APLF: variants seen among roughly 807,000 people sequenced by gnomAD.
The protein encoded by APLF is aprataxin and PNK-like factor.
APLF carries 61 observed loss-of-function variants against 55.6 expected under a neutral mutation model. The observed-to-expected ratio is 1.10, with a 90% CI of 0.89 to 1.36. APLF has a LOEUF of 1.36. Ranked by LOEUF, APLF falls within the 40% of genes most tolerant of loss-of-function variation. The pLI is 0.00. For synonymous variants in APLF, 207 were observed against 214.8 expected (o/e 0.96, Z 0.32); for missense variants, 611 against 602.5 (o/e 1.01, Z -0.15).
chr2:68,528,220 G>A (rs1395013605), intron 6 of APLF: 2 of 1,076,894 alleles, frequency 1.9e-6, no homozygotes, highest in Non-Finnish European at 2.7e-6. Flanking sequence ...TGGATTACAG[G>A]CGTGGGCCAC....
chr2:68,517,666 AT>A (rs1315770723), intron 5 of APLF, among the ~76,000 whole-genome samples: 1 of 145,362 alleles, frequency 6.9e-6, no homozygotes, highest in Non-Finnish European at 1.5e-5. Context: ...TAACGTAACA[AT>A]AATATATCAC....
At chr2:68,525,864 C>T (rs1670029051) in intron 5 of APLF, among the ~76,000 whole-genome samples, 197 bp from the exon 6 acceptor site, 1 of 148,872 alleles carries the variant, frequency 6.7e-6, no homozygotes, top group Non-Finnish European at 1.5e-5. Context: ...ATTCTTATGC[C>T]TCTGCTTCCT....
chr2:68,509,591 G>A (rs924164862), intron 3 of APLF, among the ~76,000 whole-genome samples: 5 of 152,080 alleles, frequency 3.3e-5, no homozygotes, highest in African/African-American at 1.2e-4. Flanking sequence ...AGGGTGTGGA[G>A]AAATAGGAAC....
chr2:68,528,246 G>C, intron 6 of APLF: 1 of 1,255,886 alleles, frequency 8.0e-7, no homozygotes, highest in South Asian at 1.3e-5. Flanking sequence ...CTGCCCTGCT[G>C]TCTCTTCTTT....
rs1400670741 is a variant in APLF, at chr2:68,527,844, C to T, written c.804+1602C>T. Among the ~76,000 whole-genome samples, 6 of 150,986 alleles carry T rather than the reference C, an allele frequency of 4.0e-5. No homozygotes were observed. In the East Asian group the frequency reaches 9.7e-4, roughly 24 times the overall value. On this transcript the variant is annotated intron_variant, in intron 6 of 9. Coordinates refer to ENST00000303795, the MANE Select transcript of APLF (RefSeq NM_173545.3). ...GCGGTGGCCAGGCAGAGGCGCTCCT[C>T]ACTTCCCAGACGGTGGAGTAGCCGG... is the stretch of plus-strand genomic sequence containing the variant.
Position 68,578,800 on chromosome 2 carries a change from A to C in APLF, c.*778A>C. On this transcript the variant is annotated 3_prime_UTR_variant, in exon 10 of 10. Coordinates refer to ENST00000303795, the MANE Select transcript of APLF (RefSeq NM_173545.3). ...AATAGAGAAACGACATAACTTTCTC[A>C]AATGGCATTAGTTTTGCCTTAGTTT... 1.0e-6 allele frequency: 1 copy of C among 985,362 alleles called. No individual in the cohort carries two copies. Among genetic ancestry groups the C allele is most frequent in the Non-Finnish European group, 1.2e-6 (1 of 829,886 alleles). The allele number at this position is 985,362 out of a possible 1,614,324, so 61.0% of individuals were successfully genotyped here. A position where few individuals can be genotyped will look rare whatever the true frequency, so the allele number is the denominator to read the frequency against.
At chr2:68,469,213 T>A (rs761322845) in intron 1 of APLF, among the ~76,000 whole-genome samples, 9 of 152,232 alleles carry the variant, frequency 5.9e-5, no homozygotes, top group Non-Finnish European at 5.9e-5. Context: ...ATTTTTCTTT[T>A]AAATTCGTAG....
At chr2:68,508,421 T>C (rs1573191551) in intron 3 of APLF, among the ~76,000 whole-genome samples, 1 of 151,876 alleles carries the variant, frequency 6.6e-6, no homozygotes, top group South Asian at 2.1e-4. Context: ...TGCAAAAGAA[T>C]GAAGTTAGTC....
intron 5 of APLF, among the ~76,000 whole-genome samples, chr2:68,516,426 C>A (rs963464255): frequency 6.6e-6 from 1 of 151,002 alleles, no homozygotes; most frequent in South Asian, 2.1e-4. Context: ...TTATTATTAT[C>A]ATCACTATTA....
chr2:68,530,171 G>A (rs1316526119), intron 6 of APLF, among the ~76,000 whole-genome samples: 16 of 152,340 alleles, frequency 1.1e-4, no homozygotes, highest in Non-Finnish European at 1.6e-4. Flanking sequence ...CTTTGAACCC[G>A]GGCTGTGCGA....
intron 5 of APLF, among the ~76,000 whole-genome samples, chr2:68,519,727 T>C (rs1418003149): frequency 1.3e-5 from 2 of 151,390 alleles, no homozygotes; most frequent in South Asian, 4.2e-4. Flanking sequence ...CTGATGGGCA[T>C]TTGGGCTGGT....
At chr2:68,528,175 C>T (rs1178604096) in intron 6 of APLF, 1 of 701,464 alleles carries the variant, frequency 1.4e-6, no homozygotes, top group East Asian at 2.7e-5. Context: ...AATCTCTTGA[C>T]CTCCTGATCC....
Position 68,469,023 on chromosome 2 carries a change from G to T in APLF, c.96+1196G>T, listed in dbSNP as rs959969543. On this transcript the variant is annotated intron_variant, in intron 1 of 9. Coordinates refer to ENST00000303795, the MANE Select transcript of APLF (RefSeq NM_173545.3). The stretch of plus-strand genomic sequence containing the variant: ...GTGTGTGTGTGTGTGTGTGTGTGTT[G>T]TGTGTTGTGTGTTGTGTACATGCAC... 1.0e-4 allele frequency among the ~76,000 whole-genome samples: 15 copies of T among 145,852 alleles called. No individual in the cohort carries two copies. In the South Asian group the frequency reaches 1.5e-3, roughly 15 times the overall value.
At chr2:68,572,402 T>A (rs1450558263) in intron 9 of APLF, among the ~76,000 whole-genome samples, 3 of 152,196 alleles carry the variant, frequency 2.0e-5, no homozygotes, top group African/African-American at 4.8e-5. Context: ...ATTTACTTAA[T>A]AAAAATTAAC....
chr2:68,516,805 T>A (rs1669591408), intron 5 of APLF, among the ~76,000 whole-genome samples: 1 of 145,326 alleles, frequency 6.9e-6, no homozygotes, highest in Non-Finnish European at 1.5e-5. Context: ...CCATGGTGTA[T>A]TTGTATATAT....
intron 8 of APLF, among the ~76,000 whole-genome samples, chr2:68,547,042 C>G (rs1670726919): frequency 6.6e-6 from 1 of 151,716 alleles, no homozygotes; most frequent in African/African-American, 2.4e-5. Flanking sequence ...GCTTAGGATG[C>G]TTACTGGATA....
At chr2:68,493,278 G>A (rs987101200) in intron 2 of APLF, among the ~76,000 whole-genome samples, 1 of 152,090 alleles carries the variant, frequency 6.6e-6, no homozygotes, top group African/African-American at 2.4e-5. Flanking sequence ...GTATCAGTGG[G>A]GAAGAGGAGT....
At chr2:68,555,200 A>G (rs1670971473) in intron 8 of APLF, among the ~76,000 whole-genome samples, 1 of 152,202 alleles carries the variant, frequency 6.6e-6, no homozygotes, top group Non-Finnish European at 1.5e-5. Flanking sequence ...CAGAAACTGT[A>G]AAAATTATAG....
At chr2:68,544,802 A>G (rs777906895) in intron 7 of APLF, among the ~76,000 whole-genome samples, 59 of 152,282 alleles carry the variant, frequency 3.9e-4, no homozygotes, top group Non-Finnish European at 5.6e-4. Context: ...TCTGTTTTTT[A>G]TCTTAGCAGA....
Sources: allele counts gnomAD v4.1 joint callset (sites outside exome capture counted in the v4.1 genomes callset), GRCh38; gene constraint gnomAD v4.1.1; transcripts MANE v1.5; gene names NCBI Gene and HGNC (gene_info 2026-07-23, HGNC 2026-07-21).